Variants in ANP32A observed in about 807,000 individuals in gnomAD.
The protein encoded by ANP32A is acidic nuclear phosphoprotein 32 family member A.
In ANP32A, 1 loss-of-function variant was observed where a neutral mutation model predicts 33.9. That is an observed-to-expected ratio of 0.03 (90% confidence interval 0.01 to 0.14). The LOEUF is 0.14. Among genes scored for constraint, ANP32A ranks in the 10% least tolerant of loss-of-function variants. The probability of loss-of-function intolerance (pLI) is 1.00; values close to 1 mark genes in which losing one functional copy is unlikely to be tolerated. For synonymous variants in ANP32A, 115 were observed against 120.5 expected (o/e 0.95, Z 0.30); for missense variants, 155 against 306.0 (o/e 0.51, Z 3.68).
intron 5 of ANP32A, among the ~76,000 whole-genome samples, chr15:68,782,195 C>G (rs1893877802): frequency 6.6e-6 from 1 of 152,210 alleles, no homozygotes; most frequent in Admixed American, 6.5e-5. Context: ...CACACAAACA[C>G]AAAACCCAAC....
chr15:68,780,484 G>A lies in ANP32A; in HGVS notation c.625-11C>T, dbSNP rs1341672833. The stretch of plus-strand genomic sequence containing the variant: ...ACCTTCTTCATCCTCCTAGGAGAAA[G>A]GACAGACACCAGAACATTAGAAATG... On this transcript the variant is annotated splice_polypyrimidine_tract_variant and intron_variant, in intron 5 of 6. Transcript: ENST00000465139. The surrounding 1 kb of genome is among the most constrained non-coding windows in gnomAD (Gnocchi z 4.3). 1.2e-6 allele frequency: 2 copies of A among 1,613,924 alleles called. No homozygotes were observed. Among genetic ancestry groups the A allele is most frequent in the Non-Finnish European group, 1.7e-6 (2 of 1,179,864 alleles).
At position 68,787,553 on chromosome 15, in the gene ANP32A, A is replaced by G; in HGVS notation, c.205-18T>C. The G allele has an allele frequency of 1.2e-6, 2 of 1,614,092 alleles. No homozygotes were observed. The highest frequency in any genetic ancestry group is 1.7e-6 in the Non-Finnish European group (2 of 1,179,978). ...AGTTCAAGCTAAATAAGGCAGGGAA[A>G]GAAAAAGCAGAAACAGCTTTTAAAA... On this transcript the variant is annotated intron_variant, in intron 2 of 6. Transcript: ENST00000465139.
Position 68,819,650 on chromosome 15 carries a change from C to T in ANP32A, c.54+1048G>A, listed in dbSNP as rs532095152. ...AGGCGCCGAATGGCTGCCGACAAGC[C>T]CAGCACTGAGAAAGACGGGCCGGGG... is the stretch of plus-strand genomic sequence containing the variant. On this transcript the variant is annotated intron_variant, in intron 1 of 6. Transcript: ENST00000465139. Among the ~76,000 whole-genome samples the T allele has an allele frequency of 2.0e-5, 3 of 152,344 alleles. No homozygotes were observed. The East Asian group carries it at 5.8e-4, about 29-fold the overall frequency.
Position 68,779,806 on chromosome 15 carries a change from C to T in ANP32A, c.*275G>A, listed in dbSNP as rs1893841154. On this transcript the variant is annotated 3_prime_UTR_variant, in exon 7 of 7. Coordinates refer to ENST00000465139, the MANE Select transcript of ANP32A (RefSeq NM_006305.4). ...GGAACAAATGCTCACTTAGTGTGTA[C>T]TTAGCTATCGCATTTACAGGGACAA... 2.2e-6 allele frequency: 1 copy of T among 452,084 alleles called. No individual in the cohort carries two copies. The highest frequency in any genetic ancestry group is 2.0e-5 in the African/African-American group (1 of 50,356). 28.0% of individuals were successfully genotyped at this position (452,084 alleles called of 1,614,324 possible). A position where few individuals can be genotyped will look rare whatever the true frequency, so the allele number is the denominator to read the frequency against.
chr15:68,799,376 TG>T, intron 1 of ANP32A, among the ~76,000 whole-genome samples: 1 of 152,328 alleles, frequency 6.6e-6, no homozygotes, highest in Middle Eastern at 3.4e-3. Context: ...CCTCTTCATC[TG>T]GGTTTGGTGG....
At chr15:68,802,432 G>A (rs1035893610) in intron 1 of ANP32A, among the ~76,000 whole-genome samples, 3 of 151,712 alleles carry the variant, frequency 2.0e-5, no homozygotes, top group Admixed American at 6.6e-5. Context: ...AACCCTCTTC[G>A]TTTCTTCTTT....
intron 5 of ANP32A, chr15:68,782,708 A>C: frequency 1.7e-6 from 1 of 577,636 alleles, no homozygotes; most frequent in Middle Eastern, 5.0e-4. Flanking sequence ...GGCTTACCCC[A>C]GCAGGTTCAG....
At chr15:68,820,632 GCACACACA>G in intron 1 of ANP32A, 58 bp downstream of exon 1, 4 of 944,298 alleles carry the variant, frequency 4.2e-6, no homozygotes, top group South Asian at 3.5e-5. Context: ...CCCCCAGCGC[GCACACACA>G]CACACACACA....
intron 1 of ANP32A, chr15:68,817,404 C>T (rs1339926275): frequency 6.6e-6 from 1 of 152,346 alleles, no homozygotes; most frequent in Non-Finnish European, 1.5e-5. Context: ...GAGCCCAGCC[C>T]GGGAGGGCGT....
chr15:68,788,899 T>A (rs1893966228), intron 1 of ANP32A, among the ~76,000 whole-genome samples: 1 of 152,158 alleles, frequency 6.6e-6, no homozygotes, highest in Admixed American at 6.5e-5. Flanking sequence ...AAAGAACGAA[T>A]AAAAAGCCAC....
At chr15:68,800,328 G>A (rs914033670) in intron 1 of ANP32A, among the ~76,000 whole-genome samples, 8 of 151,978 alleles carry the variant, frequency 5.3e-5, no homozygotes, top group Admixed American at 3.3e-4. Flanking sequence ...TAAAGATACC[G>A]TGGTAAACAA....
rs1893852087 is a variant in ANP32A at position 68,780,393 on chromosome 15, TA to T, written c.688+16del. The T allele has an allele frequency of 1.2e-6, 2 of 1,613,674 alleles. No individual in the cohort carries two copies. The highest frequency in any genetic ancestry group is 4.5e-5 in the East Asian group (2 of 44,842). On this transcript the variant is annotated intron_variant, in intron 6 of 6. Transcript: ENST00000465139. This position sits in a 1 kb window ranked among gnomAD's most constrained non-coding sequence, Gnocchi z 4.3. ...GGGCCAGGCTGCTACCAGCTGAGAGTAAAAAGGCTGCCATACCACCAAGCTC... is the reference window on the plus strand; with the variant it reads ...GGGCCAGGCTGCTACCAGCTGAGAGTAAAAGGCTGCCATACCACCAAGCTC...
intron 1 of ANP32A, chr15:68,792,247 C>A (rs1465658294): frequency 6.6e-6 from 1 of 152,136 alleles, no homozygotes; most frequent in Non-Finnish European, 1.5e-5. Flanking sequence ...TTCCACTGAC[C>A]ATTTAAAAAT....
intron 1 of ANP32A, among the ~76,000 whole-genome samples, chr15:68,797,281 G>A (rs1419348724): frequency 1.3e-5 from 2 of 152,042 alleles, no homozygotes; most frequent in African/African-American, 4.8e-5. Flanking sequence ...GGTGGGAGGA[G>A]AGGAGAGACC....
chr15:68,796,875 T>A (rs1327762609), intron 1 of ANP32A, among the ~76,000 whole-genome samples: 1 of 152,092 alleles, frequency 6.6e-6, no homozygotes, highest in Non-Finnish European at 1.5e-5. Flanking sequence ...CAAAATTCTC[T>A]CGGTACATAC....
chr15:68,783,278 A>C (rs759565732), intron 4 of ANP32A, among the ~76,000 whole-genome samples: 5 of 152,154 alleles, frequency 3.3e-5, no homozygotes, highest in Non-Finnish European at 7.4e-5. Context: ...AGTGTTATGC[A>C]TGTGAAAGGC....
intron 1 of ANP32A, among the ~76,000 whole-genome samples, chr15:68,804,675 C>A (rs1169642262): frequency 1.3e-5 from 2 of 152,052 alleles, no homozygotes; most frequent in African/African-American, 4.8e-5. Flanking sequence ...ACCACCACGC[C>A]CAATTAATTT....
chr15:68,808,929 CCT>C (rs1313747425), intron 1 of ANP32A, among the ~76,000 whole-genome samples: 1 of 152,202 alleles, frequency 6.6e-6, no homozygotes, highest in Admixed American at 6.5e-5. Context: ...TCACTGTGCA[CCT>C]CTGTCTCTGC....
intron 1 of ANP32A, among the ~76,000 whole-genome samples, chr15:68,818,948 G>A (rs1894431442): frequency 6.6e-6 from 1 of 151,702 alleles, no homozygotes. Context: ...CTCCACCGGC[G>A]GCGCCCCCTC....
Sources: gnomAD v4.1 joint callset for allele counts (sites outside exome capture counted in the v4.1 genomes callset) on GRCh38, gnomAD v4.1.1 for gene constraint, Gnocchi (gnomAD v3.1) non-coding constraint, MANE v1.5 for transcripts, NCBI Gene and HGNC (gene_info 2026-07-23, HGNC 2026-07-21) for gene names.